COX10: variants seen among roughly 807,000 people sequenced by gnomAD.
The protein encoded by COX10 is protoheme IX farnesyltransferase, mitochondrial.
Under a neutral mutation model 37.3 loss-of-function variants are expected in COX10, and 27 were observed. That is an observed-to-expected ratio of 0.72 (90% CI 0.53 to 1.00). The LOEUF is 1.00. Among genes scored for constraint, COX10 ranks in the 50% least tolerant of loss-of-function variants. COX10 has a pLI of 0.00. For missense variants in COX10, 475 were observed against 563.2 expected (o/e 0.84, Z 1.59); for synonymous variants, 222 against 229.1 (o/e 0.97, Z 0.28).
chr17:14,153,922 A>T (rs1039940512), intron 4 of COX10, among the ~76,000 whole-genome samples: 5 of 152,264 alleles, frequency 3.3e-5, no homozygotes, highest in African/African-American at 1.2e-4. Context: ...CGATACTACC[A>T]TATAATTGAA....
chr17:14,126,320 C>T (rs1279898784), intron 4 of COX10, among the ~76,000 whole-genome samples: 3 of 152,178 alleles, frequency 2.0e-5, no homozygotes, highest in Middle Eastern at 3.4e-3. Context: ...TAAAAGGTTC[C>T]GTATAAACTC....
chr17:14,185,245 T>C (rs1397347114), intron 5 of COX10, among the ~76,000 whole-genome samples: 2 of 149,274 alleles, frequency 1.3e-5, no homozygotes, highest in Admixed American at 6.7e-5. Flanking sequence ...AGGCTTGGGA[T>C]GCTTTCAAAA....
At chr17:14,176,064 A>T (rs1243032006) in intron 5 of COX10, among the ~76,000 whole-genome samples, 11 of 152,312 alleles carry the variant, frequency 7.2e-5, no homozygotes, top group Non-Finnish European at 1.6e-4. Context: ...AGTAGACCGT[A>T]GAATCCCAGG....
rs1034323463 is a variant in COX10 at position 14,208,613 on chromosome 17, C to A, written c.*1400C>A. 2.0e-5 allele frequency: 3 copies of A among 152,210 alleles called. No individual in the cohort carries two copies. Among genetic ancestry groups the A allele is most frequent in the Non-Finnish European group, 4.4e-5 (3 of 68,046 alleles). 9.4% of individuals were successfully genotyped at this position (152,210 alleles called of 1,614,324 possible). On this transcript the variant is annotated 3_prime_UTR_variant, in exon 7 of 7. Coordinates refer to ENST00000261643, the MANE Select transcript of COX10 (RefSeq NM_001303.4). ...TGGAAAAAGCCTCTACAACTTGTTA[C>A]AGCCTTCACATTTGTACAATTCATT...
At chr17:14,129,811 A>G (rs1008716992) in intron 4 of COX10, among the ~76,000 whole-genome samples, 4 of 152,180 alleles carry the variant, frequency 2.6e-5, no homozygotes, top group Non-Finnish European at 5.9e-5. Context: ...CTCTGGGTAC[A>G]GTAGGGTTAT....
intron 4 of COX10, among the ~76,000 whole-genome samples, chr17:14,142,385 C>T (rs938324577): frequency 6.6e-6 from 1 of 152,142 alleles, no homozygotes; most frequent in Non-Finnish European, 1.5e-5. Flanking sequence ...TTGTAATTCT[C>T]TTAATATTGG....
At chr17:14,105,856 TACAC>T (rs1167132556) in intron 4 of COX10, among the ~76,000 whole-genome samples, 3 of 152,114 alleles carry the variant, frequency 2.0e-5, no homozygotes, top group Non-Finnish European at 4.4e-5. Flanking sequence ...CTTCTTCACA[TACAC>T]ACATATCTTC....
intron 3 of COX10, among the ~76,000 whole-genome samples, chr17:14,080,550 C>G (rs1915271857): frequency 6.6e-6 from 1 of 152,172 alleles, no homozygotes; most frequent in Non-Finnish European, 1.5e-5. Context: ...AGAGTCCACT[C>G]CTGCATAAGC....
intron 2 of COX10, 104 bp from the exon 3 acceptor site, chr17:14,076,631 C>A: frequency 9.2e-7 from 1 of 1,092,798 alleles, no homozygotes; most frequent in Non-Finnish European, 1.4e-6. Context: ...GTGGGAAAAG[C>A]TTTCAAATAA....
At chr17:14,077,428 A>T (rs1393964227) in intron 3 of COX10, 5 of 264,868 alleles carry the variant, frequency 1.9e-5, no homozygotes, top group Non-Finnish European at 2.9e-5. Flanking sequence ...TGGGCTTGAT[A>T]TGAATCCACA....
rs1319142888 is a variant in COX10 at position 14,088,640 on chromosome 17, G to GA, written c.499+11592dup. Among the ~76,000 whole-genome samples the GA allele has an allele frequency of 7.5e-4, 114 of 151,774 alleles. 1 individual carries two copies. Among genetic ancestry groups the GA allele is most frequent in the Non-Finnish European group, 1.0e-4 (7 of 67,902 alleles). Reference sequence around the variant, plus strand: ...AAAATATATTGAGAACTTTAAAGAAGAAAAAAAACTGAGTTGAGAATTGGC... The same window carrying GA: ...AAAATATATTGAGAACTTTAAAGAAGAAAAAAAAACTGAGTTGAGAATTGGC... On this transcript the variant is annotated intron_variant, in intron 3 of 6. Coordinates refer to ENST00000261643, the MANE Select transcript of COX10 (RefSeq NM_001303.4).
chr17:14,170,316 T>C (rs567030887), intron 5 of COX10, among the ~76,000 whole-genome samples: 1 of 152,328 alleles, frequency 6.6e-6, no homozygotes, highest in South Asian at 2.1e-4. Context: ...TTCAGTATTA[T>C]CCAGTTTTTT....
At chr17:14,108,616 G>A (rs1915947460) in intron 4 of COX10, among the ~76,000 whole-genome samples, 1 of 151,968 alleles carries the variant, frequency 6.6e-6, no homozygotes, top group Non-Finnish European at 1.5e-5. Flanking sequence ...GGGTCAAGAA[G>A]AGACATGTTT....
intron 6 of COX10, among the ~76,000 whole-genome samples, chr17:14,205,439 T>C (rs1906668148): frequency 6.6e-6 from 1 of 152,222 alleles, no homozygotes; most frequent in African/African-American, 2.4e-5. Flanking sequence ...GAGTGGTGAC[T>C]TTAGAGTCAC....
intron 5 of COX10, among the ~76,000 whole-genome samples, chr17:14,191,059 T>C (rs985155320): frequency 2.0e-5 from 3 of 152,092 alleles, no homozygotes; most frequent in African/African-American, 7.2e-5. Flanking sequence ...TTATGGCTTC[T>C]GCTAGGAGAA....
chr17:14,176,474 T>C (rs888688279), intron 5 of COX10, among the ~76,000 whole-genome samples: 5 of 152,150 alleles, frequency 3.3e-5, no homozygotes, highest in South Asian at 2.1e-4. Flanking sequence ...CTCCACCTCT[T>C]CTCTACTGAG....
At chr17:14,158,215 T>C (rs1369960299) in intron 4 of COX10, among the ~76,000 whole-genome samples, 1 of 151,820 alleles carries the variant, frequency 6.6e-6, no homozygotes, top group Non-Finnish European at 1.5e-5. Flanking sequence ...TCATTGTGTT[T>C]AGGAATACTA....
At chr17:14,136,894 G>T (rs1192734619) in intron 4 of COX10, among the ~76,000 whole-genome samples, 4 of 151,858 alleles carry the variant, frequency 2.6e-5, no homozygotes, top group Admixed American at 2.6e-4. Context: ...AATCTTTTTG[G>T]TTATTTGTCA....
At chr17:14,083,402 C>G (rs1176178226) in intron 3 of COX10, among the ~76,000 whole-genome samples, 1 of 152,212 alleles carries the variant, frequency 6.6e-6, no homozygotes, top group Non-Finnish European at 1.5e-5. Flanking sequence ...TTCTTTTGGA[C>G]TCTTAACATC....
Sources: allele counts gnomAD v4.1 joint callset (sites outside exome capture counted in the v4.1 genomes callset), GRCh38; gene constraint gnomAD v4.1.1; transcripts MANE v1.5; gene names NCBI Gene and HGNC (gene_info 2026-07-23, HGNC 2026-07-21).